SDC2: variants seen among roughly 807,000 people sequenced by gnomAD.
SDC2 encodes syndecan-2.
A neutral mutation model predicts 22.2 loss-of-function variants in SDC2; 13 were observed. The ratio of observed to expected loss-of-function variants is 0.59; its 90% CI spans 0.38 to 0.93. The LOEUF (loss-of-function observed/expected upper bound fraction) is 0.93, where lower values mean the gene tolerates loss of function less well. Ranked by LOEUF, SDC2 falls within the 40% of genes least tolerant of loss-of-function variation. SDC2 has a pLI of 0.00. For missense variants in SDC2, 235 were observed against 246.8 expected (o/e 0.95, Z 0.32); for synonymous variants, 94 against 92.8 (o/e 1.01, Z -0.07).
At chr8:96,554,324 A>AT (rs1814074547) in intron 1 of SDC2, among the ~76,000 whole-genome samples, 1 of 152,182 alleles carries the variant, frequency 6.6e-6, no homozygotes, top group African/African-American at 2.4e-5. Flanking sequence ...TTTTAATAAA[A>AT]TTTTGAGTTT....
intron 1 of SDC2, among the ~76,000 whole-genome samples, chr8:96,533,809 A>G (rs1014593503): frequency 6.6e-6 from 1 of 152,246 alleles, no homozygotes; most frequent in Non-Finnish European, 1.5e-5. Flanking sequence ...CTGGGGCCAC[A>G]GGTGGAGCTG....
In SDC2 at chr8:96,515,450, T is replaced by C. The variant is rs140960981; in HGVS notation, c.60+21119T>C. ...CAGATAAGAGGATGGAGGTTGCTCT[T>C]GATATGGGAAATAGAAGGATGGAGG... is the stretch of plus-strand genomic sequence containing the variant. On this transcript the variant is annotated intron_variant, in intron 1 of 4. Transcript: ENST00000302190. Among the ~76,000 whole-genome samples the C allele has an allele frequency of 2.5e-3, 387 of 152,184 alleles. 11 individuals are homozygous for C. The East Asian group carries it at 0.047, about 19-fold the overall frequency.
intron 1 of SDC2, among the ~76,000 whole-genome samples, chr8:96,526,175 T>C (rs530491809): frequency 1.3e-5 from 2 of 152,328 alleles, no homozygotes; most frequent in Non-Finnish European, 2.9e-5. Flanking sequence ...CAAAGTGGCT[T>C]TGCACCTATG....
At chr8:96,548,819 A>G (rs1813977421) in intron 1 of SDC2, among the ~76,000 whole-genome samples, 1 of 152,202 alleles carries the variant, frequency 6.6e-6, no homozygotes, top group Non-Finnish European at 1.5e-5. Context: ...AGGAATTTGC[A>G]GCATTGAGGG....
chr8:96,524,057 A>T (rs1199131043), intron 1 of SDC2, among the ~76,000 whole-genome samples: 1 of 152,218 alleles, frequency 6.6e-6, no homozygotes, highest in African/African-American at 2.4e-5. Flanking sequence ...TGTTTTACAG[A>T]CAGTGAGCTA....
At chr8:96,507,122 G>T (rs1813254081) in intron 1 of SDC2, among the ~76,000 whole-genome samples, 1 of 152,120 alleles carries the variant, frequency 6.6e-6, no homozygotes, top group African/African-American at 2.4e-5. Context: ...TGTAACAACG[G>T]ATTTTAGAGC....
intron 1 of SDC2, among the ~76,000 whole-genome samples, chr8:96,558,968 T>G (rs1451770844): frequency 1.3e-5 from 2 of 152,224 alleles, no homozygotes; most frequent in African/African-American, 4.8e-5. Context: ...AATTTCCAGA[T>G]TATTTCATGG....
Position 96,602,538 on chromosome 8 carries a change from A to G in SDC2, c.306+10A>G, listed in dbSNP as rs768043842. 12 of 1,613,870 alleles carry G rather than the reference A, an allele frequency of 7.4e-6. No individual in the cohort carries two copies. In the South Asian group the frequency reaches 7.7e-5, roughly 10 times the overall value. The stretch of plus-strand genomic sequence containing the variant: ...ACCTGCTCAGACAAAGGTGCGTTCT[A>G]TTTTCCATTGCATTGCATTATCAGG... On this transcript the variant is annotated intron_variant, in intron 3 of 4. Coordinates refer to ENST00000302190, the MANE Select transcript of SDC2 (RefSeq NM_002998.4).
At chr8:96,544,276 C>T (rs1003693617) in intron 1 of SDC2, among the ~76,000 whole-genome samples, 12 of 152,304 alleles carry the variant, frequency 7.9e-5, no homozygotes, top group South Asian at 2.1e-4. Context: ...CACCATCCTA[C>T]CGGTATACCT....
At chr8:96,586,992 G>A (rs1251680305) in intron 1 of SDC2, among the ~76,000 whole-genome samples, 4 of 152,012 alleles carry the variant, frequency 2.6e-5, no homozygotes, top group East Asian at 1.9e-4. Flanking sequence ...GCGCAATCTC[G>A]GCTCACTGCA....
chr8:96,511,789 AT>A (rs548532271), intron 1 of SDC2, among the ~76,000 whole-genome samples: 7,580 of 138,706 alleles, frequency 0.055, 319 homozygotes, highest in African/African-American at 0.13. Context: ...GGCTTATGTG[AT>A]TTTTTTTTTT....
At chr8:96,569,168 C>T (rs957945118) in intron 1 of SDC2, among the ~76,000 whole-genome samples, 9 of 152,088 alleles carry the variant, frequency 5.9e-5, no homozygotes, top group South Asian at 2.1e-4. Context: ...CCAACACGTC[C>T]GGATAATTTT....
chr8:96,506,239 A>C (rs1813236403), intron 1 of SDC2, among the ~76,000 whole-genome samples: 2 of 152,178 alleles, frequency 1.3e-5, no homozygotes, highest in Admixed American at 1.3e-4. Context: ...AATGTACAAA[A>C]GGTAGAAAGA....
chr8:96,597,616 C>T (rs916828808), intron 2 of SDC2, among the ~76,000 whole-genome samples: 3 of 152,142 alleles, frequency 2.0e-5, no homozygotes, highest in African/African-American at 7.2e-5. Flanking sequence ...ATAGTAAATT[C>T]AGAGAGAAAA....
intron 1 of SDC2, among the ~76,000 whole-genome samples, chr8:96,522,669 A>G (rs1813514615): frequency 6.6e-6 from 1 of 152,222 alleles, no homozygotes; most frequent in South Asian, 2.1e-4. Flanking sequence ...TTATAAAACT[A>G]TTGGGGAAAA....
At chr8:96,527,764 TGTTAA>T (rs1296999559) in intron 1 of SDC2, among the ~76,000 whole-genome samples, 15 of 152,218 alleles carry the variant, frequency 9.9e-5, no homozygotes, top group Admixed American at 5.2e-4. Context: ...CAAGAATTAA[TGTTAA>T]GTTACCAGAG....
chr8:96,600,625 T>A (rs1322010996), intron 2 of SDC2, among the ~76,000 whole-genome samples: 1 of 152,114 alleles, frequency 6.6e-6, no homozygotes, highest in African/African-American at 2.4e-5. Context: ...AGAACGGTGT[T>A]AAGAGTGGAG....
intron 2 of SDC2, among the ~76,000 whole-genome samples, chr8:96,595,462 C>G (rs1407925078): frequency 6.6e-6 from 1 of 150,584 alleles, no homozygotes; most frequent in Non-Finnish European, 1.5e-5. Flanking sequence ...AAGAGTTGTT[C>G]TTATTGCCCA....
At chr8:96,606,206 C>A (rs1206471299) in intron 3 of SDC2, among the ~76,000 whole-genome samples, 1 of 152,132 alleles carries the variant, frequency 6.6e-6, no homozygotes, top group Non-Finnish European at 1.5e-5. Flanking sequence ...TCACCGCAGC[C>A]TCCAACTCCT....
Sources: allele counts gnomAD v4.1 joint callset (sites outside exome capture counted in the v4.1 genomes callset), GRCh38; gene constraint gnomAD v4.1.1; transcripts MANE v1.5; gene names NCBI Gene and HGNC (gene_info 2026-07-23, HGNC 2026-07-21).